Variants in TSC22D2 observed in about 807,000 individuals in gnomAD.
TSC22D2 encodes TSC22 domain family member 2.
In TSC22D2, 5 loss-of-function variants were observed where a neutral mutation model predicts 50.1. The ratio of observed to expected loss-of-function variants is 0.10; its 90% CI spans 0.05 to 0.21. The LOEUF is 0.21. TSC22D2 is among the 10% of genes least tolerant of loss of function. The pLI is 1.00. For missense variants in TSC22D2, 1,003 were observed against 1,015.5 expected, an observed-to-expected ratio of 0.99 and a Z score of 0.17; for synonymous variants, 501 against 450.1, an observed-to-expected ratio of 1.11 and a Z score of -1.43.
intron 1 of TSC22D2, chr3:150,422,929 CT>C (rs1173190886): frequency 1.9e-4 from 122 of 655,252 alleles, no homozygotes; most frequent in Non-Finnish European, 2.9e-4. Context: ...GTTTTAAAAT[CT>C]TTTTATTATT....
rs1258977063 is a variant in TSC22D2 at position 150,411,247 on chromosome 3, A to G, written c.1897A>G (p.Met633Val). The G allele has an allele frequency of 8.1e-6, 13 of 1,614,210 alleles. No individual in the cohort carries two copies. Among genetic ancestry groups the G allele is most frequent in the Non-Finnish European group, 1.1e-5 (13 of 1,180,022 alleles). Residue 633 changes from methionine (M) to valine (V), a missense_variant, in exon 1 of 3, where the codon ATG (methionine) becomes GTG (valine). This residue lies in a region of TSC22D2 where 696 missense variants were observed against 647.8 expected (regional missense o/e 1.07). Coordinates refer to ENST00000688009, the MANE Select transcript of TSC22D2 (RefSeq NM_001303264.2). The stretch of plus-strand genomic sequence containing the variant: ...GGCAAACCCCCTTCAGTTAACACCT[A>G]TGAACAGTCTGGCCACCTCTGTATT... Reference protein sequence around the residue: ...SLANPLQLTPMNSLATSVFSI... With the variant: ...SLANPLQLTPVNSLATSVFSI...
In TSC22D2 at chr3:150,462,958, CAAAA is replaced by C. The variant is rs559028670; in HGVS notation, c.*4326_*4329del. On this transcript the variant is annotated 3_prime_UTR_variant, in exon 3 of 3. Coordinates refer to ENST00000688009, the MANE Select transcript of TSC22D2 (RefSeq NM_001303264.2). ...CCAGCTGCCTATTTTCTTGTCCCTC[CAAAA>C]AAAGATTAAAGAGTCCCAACTCATA... is the stretch of plus-strand genomic sequence containing the variant. The C allele has an allele frequency of 6.6e-6, 1 of 151,972 alleles. No individual in the cohort carries two copies. The highest frequency in any genetic ancestry group is 1.5e-5 in the Non-Finnish European group (1 of 67,986). The allele number at this position is 151,972 out of a possible 1,614,324, so 9.4% of individuals were successfully genotyped here.
chr3:150,437,748 T>C (rs1213504733), intron 1 of TSC22D2, among the ~76,000 whole-genome samples: 1 of 151,932 alleles, frequency 6.6e-6, no homozygotes, highest in Non-Finnish European at 1.5e-5. Context: ...GTGGAGGTTG[T>C]AGTGAGCTGA....
chr3:150,420,178 C>G (rs1042571090), intron 1 of TSC22D2, among the ~76,000 whole-genome samples: 8 of 152,176 alleles, frequency 5.3e-5, no homozygotes, highest in African/African-American at 1.9e-4. Flanking sequence ...ATGATCAAGC[C>G]TTTCAATCTT....
intron 1 of TSC22D2, among the ~76,000 whole-genome samples, chr3:150,413,638 TA>T (rs1236368940): frequency 1.3e-5 from 2 of 151,292 alleles, no homozygotes; most frequent in African/African-American, 4.8e-5. Context: ...TGTTTGAAAT[TA>T]AATAACAGTT....
intron 1 of TSC22D2, among the ~76,000 whole-genome samples, chr3:150,446,774 CT>C: frequency 6.6e-6 from 1 of 152,196 alleles, no homozygotes; most frequent in Admixed American, 6.5e-5. Context: ...CCTTGACAAC[CT>C]TTATTTATTA....
chr3:150,412,111 G>A (rs1355374991), intron 1 of TSC22D2, among the ~76,000 whole-genome samples: 1 of 151,890 alleles, frequency 6.6e-6, no homozygotes, highest in Non-Finnish European at 1.5e-5. Context: ...TTTTTTAATG[G>A]CCTAAATAAG....
At chr3:150,454,213 C>G (rs370716054) in intron 1 of TSC22D2, among the ~76,000 whole-genome samples, 11 of 152,194 alleles carry the variant, frequency 7.2e-5, no homozygotes, top group East Asian at 1.9e-4. Flanking sequence ...AGGGACAGGT[C>G]TAAGATAGCC....
chr3:150,458,547 C>G lies in TSC22D2; in HGVS notation c.2182C>G (p.Pro728Ala), dbSNP rs1267316053. 3 of 1,614,076 alleles carry G rather than the reference C, an allele frequency of 1.9e-6. No individual in the cohort carries two copies. In the East Asian group the frequency reaches 6.7e-5, roughly 36 times the overall value. The change falls in exon 3 of 3, where the codon CCT (proline) becomes GCT (alanine). Residue 728 changes from proline to alanine, a missense_variant. Pro to Ala is a conservative substitution (Grantham distance 27, BLOSUM62 -1). This residue lies in a region of TSC22D2 where 54 missense variants were observed against 51.4 expected (regional missense o/e 1.05). Transcript: ENST00000688009. ...LSQLPTQQAN[P>A]GSTSQQQAVI... ...CCAACTCCCAACCCAACAGGCCAAT[C>G]CTGGTAGCACTTCTCAACAGCAAGC...
intron 1 of TSC22D2, among the ~76,000 whole-genome samples, chr3:150,418,023 A>G (rs1298047157): frequency 2.0e-5 from 3 of 152,082 alleles, no homozygotes; most frequent in Non-Finnish European, 4.4e-5. Flanking sequence ...GAGACCATAC[A>G]TTCAAGTGTG....
intron 2 of TSC22D2, 70 bp from the exon 3 acceptor site, chr3:150,458,306 T>C (rs1334482926): frequency 3.3e-6 from 5 of 1,494,614 alleles, no homozygotes; most frequent in African/African-American, 1.4e-5. Flanking sequence ...TAGCACCAAG[T>C]AGGCCAGAAC....
intron 1 of TSC22D2, among the ~76,000 whole-genome samples, chr3:150,442,393 C>T (rs1720746583): frequency 6.6e-6 from 1 of 152,216 alleles, no homozygotes; most frequent in South Asian, 2.1e-4. Flanking sequence ...TGGAATGTGG[C>T]ATCACAAAAT....
In TSC22D2 at chr3:150,446,080, C is replaced by G. The variant is rs191437433; in HGVS notation, c.1959-10996C>G. 1.4e-3 allele frequency among the ~76,000 whole-genome samples: 171 copies of G among 121,062 alleles called. 1 individual carries two copies. In the South Asian group the frequency reaches 0.029, roughly 20 times the overall value. The allele number at this position is 121,062 out of a possible 152,430, so 79.4% of individuals were successfully genotyped here. On this transcript the variant is annotated intron_variant, in intron 1 of 2. Coordinates refer to ENST00000688009, the MANE Select transcript of TSC22D2 (RefSeq NM_001303264.2). ...CTGCACTCCAGCCTGGGCAACAGAT[C>G]GAGACTCCATCTCAAAAAAAAAAAA...
In TSC22D2 at chr3:150,409,734, C is replaced by T. The variant is rs1289366922; in HGVS notation, c.384C>T (p.Ala128=). 7 of 1,600,924 alleles carry T rather than the reference C, an allele frequency of 4.4e-6. No individual in the cohort carries two copies. The highest frequency in any genetic ancestry group is 1.7e-4 in the Middle Eastern group (1 of 6,056). Residue 128 remains alanine (A), a synonymous_variant, in exon 1 of 3, where the codon GCC becomes GCT. Coordinates refer to ENST00000688009, the MANE Select transcript of TSC22D2 (RefSeq NM_001303264.2). This position sits in a 1 kb window ranked among gnomAD's most constrained non-coding sequence, Gnocchi z 7.4. ...CCCTGGCGGCGGCTGCCACTTCGGC[C>T]CCCGCCCCCGGAGCACCCGGCGGCC... ...ASTLAAAATS[A]PAPGAPGGPQ...
intron 1 of TSC22D2, among the ~76,000 whole-genome samples, chr3:150,456,643 CCAT>C (rs1386876651): frequency 1.3e-5 from 2 of 151,504 alleles, no homozygotes; most frequent in Admixed American, 1.3e-4. Flanking sequence ...AAAAGTCAAG[CCAT>C]CATCTGAATT....
chr3:150,424,635 C>A (rs1720120156), intron 1 of TSC22D2, among the ~76,000 whole-genome samples: 2 of 151,966 alleles, frequency 1.3e-5, no homozygotes, highest in African/African-American at 4.8e-5. Flanking sequence ...TTTTTAGATA[C>A]CTGAAACTTT....
At chr3:150,416,727 A>T (rs1719818701) in intron 1 of TSC22D2, among the ~76,000 whole-genome samples, 1 of 152,100 alleles carries the variant, frequency 6.6e-6, no homozygotes, top group African/African-American at 2.4e-5. Flanking sequence ...TTATTCCATG[A>T]CTTTAGGAAG....
In TSC22D2 at chr3:150,411,187, A is replaced by G. The variant is rs750252606; in HGVS notation, c.1837A>G (p.Lys613Glu). 6.2e-7 allele frequency: 1 copy of G among 1,614,182 alleles called. No individual in the cohort carries two copies. The highest frequency in any genetic ancestry group is 1.1e-5 in the South Asian group (1 of 91,086). The change falls in exon 1 of 3, where the codon AAG becomes GAG. Residue 613 changes from lysine (K) to glutamate (E), a missense_variant. Transcript: ENST00000688009. ...ACCACTTTCTCTCATTGCTGAAAAT[A>G]AGCCTGTTGTGAAGCCGCCTGTTGC... ...QPPLSLIAENKPVVKPPVADS... is the reference protein window; with the variant it reads ...QPPLSLIAENEPVVKPPVADS...
At chr3:150,430,832 GT>G (rs34819782) in intron 1 of TSC22D2, among the ~76,000 whole-genome samples, 13,762 of 152,102 alleles carry the variant, frequency 0.09, 799 homozygotes, top group Middle Eastern at 0.21. Context: ...AGGATGATTG[GT>G]TTTAGAGATT....
Sources: gnomAD v4.1 joint callset for allele counts (sites outside exome capture counted in the v4.1 genomes callset) on GRCh38, gnomAD v4.1.1 for gene constraint, gnomAD v4.1.1 regional missense constraint, Gnocchi (gnomAD v3.1) non-coding constraint, MANE v1.5 for transcripts, NCBI Gene and HGNC (gene_info 2026-07-23, HGNC 2026-07-21) for gene names.